KIF26B: variants seen among roughly 807,000 people sequenced by gnomAD.
The protein encoded by KIF26B is kinesin-like protein KIF26B.
A neutral mutation model predicts 151.2 loss-of-function variants in KIF26B; 63 were observed. The observed-to-expected ratio is 0.42, with a 90% CI of 0.34 to 0.51. The LOEUF (loss-of-function observed/expected upper bound fraction) is 0.51, where lower values mean the gene tolerates loss of function less well. Ranked by LOEUF, KIF26B falls within the 20% of genes least tolerant of loss-of-function variation. The probability of loss-of-function intolerance (pLI) is 0.07; values close to 1 mark genes in which losing one functional copy is unlikely to be tolerated. For synonymous variants in KIF26B, 1,357 were observed against 1,262.1 expected (o/e 1.08, Z -1.59); for missense variants, 2,813 against 2,913.6 (o/e 0.97, Z 0.79).
chr1:245,354,392 G>C (rs573696486), intron 2 of KIF26B, among the ~76,000 whole-genome samples: 111 of 152,282 alleles, frequency 7.3e-4, no homozygotes, highest in African/African-American at 2.5e-3. Flanking sequence ...CCAATGACAG[G>C]CTCTGTGACC....
At chr1:245,174,619 G>A (rs116095120) in intron 2 of KIF26B, among the ~76,000 whole-genome samples, 2,986 of 152,154 alleles carry the variant, frequency 0.02, 68 homozygotes, top group East Asian at 0.068. Flanking sequence ...CGATCCTCTC[G>A]CCACAGCCTC....
intron 2 of KIF26B, among the ~76,000 whole-genome samples, chr1:245,314,984 C>T (rs772702771): frequency 1.1e-4 from 16 of 152,016 alleles, no homozygotes; most frequent in African/African-American, 3.6e-4. Flanking sequence ...AGTTGGAGAC[C>T]GGCCTGACCA....
chr1:245,302,765 C>T (rs1036853159), intron 2 of KIF26B, among the ~76,000 whole-genome samples: 5 of 151,964 alleles, frequency 3.3e-5, no homozygotes, highest in African/African-American at 9.7e-5. Context: ...CCAAGGTGGG[C>T]GGACCAAGAG....
At chr1:245,539,405 C>A (rs180767940) in intron 4 of KIF26B, among the ~76,000 whole-genome samples, 17 of 152,276 alleles carry the variant, frequency 1.1e-4, no homozygotes, top group African/African-American at 4.1e-4. Context: ...ATGTGTTCTG[C>A]AACTGGTAAG....
rs181267600 is a variant in KIF26B, at chr1:245,294,581, G to C, written c.466-72253G>C. 1.6e-3 allele frequency among the ~76,000 whole-genome samples: 250 copies of C among 152,188 alleles called. 1 individual carries two copies. Among genetic ancestry groups the C allele is most frequent in the African/African-American group, 5.8e-3 (242 of 41,516 alleles). ...TCTAAATGGTTGAATTTCTTTTTTG[G>C]TCTAGCTGTATTAGGAATAGAGAGA... On this transcript the variant is annotated intron_variant, in intron 2 of 14. Transcript: ENST00000407071.
chr1:245,680,890 T>A (rs997961604), intron 10 of KIF26B, among the ~76,000 whole-genome samples: 6 of 152,202 alleles, frequency 3.9e-5, no homozygotes, highest in African/African-American at 1.2e-4. Flanking sequence ...CGTGCACATG[T>A]GTCCTTTTTG....
At position 245,601,620 on chromosome 1, in the gene KIF26B, C is replaced by T. The variant is rs2103145233; in HGVS notation, c.1351-957C>T. Reference sequence around the variant, plus strand: ...TCCTGCTACTCTATGCATTACATATCTTTGCATCCCCCATGCCTAGCACAG... The same window carrying T: ...TCCTGCTACTCTATGCATTACATATTTTTGCATCCCCCATGCCTAGCACAG... On this transcript the variant is annotated intron_variant, in intron 5 of 14. Coordinates refer to ENST00000407071, the MANE Select transcript of KIF26B (RefSeq NM_018012.4). This position sits in a 1 kb window ranked among gnomAD's most constrained non-coding sequence, Gnocchi z 4.4. 6.6e-6 allele frequency among the ~76,000 whole-genome samples: 1 copy of T among 152,312 alleles called. No individual in the cohort carries two copies. Among genetic ancestry groups the T allele is most frequent in the Non-Finnish European group, 1.5e-5 (1 of 68,018 alleles).
At chr1:245,614,886 TTAAAA>T (rs2043570218) in intron 9 of KIF26B, 1 of 79,282 alleles carries the variant, frequency 1.3e-5, no homozygotes, top group Non-Finnish European at 2.4e-5. Context: ...ATGCAGACCT[TTAAAA>T]TCGGATAGGG....
chr1:245,306,343 T>C (rs1038252789), intron 2 of KIF26B, among the ~76,000 whole-genome samples: 1 of 152,218 alleles, frequency 6.6e-6, no homozygotes, highest in African/African-American at 2.4e-5. Context: ...AATCTGTAGA[T>C]ACAGTATGTA....
rs975286521 is a variant in KIF26B, at chr1:245,578,803, G to C, written c.1351-23774G>C. 2.0e-5 allele frequency among the ~76,000 whole-genome samples: 3 copies of C among 152,174 alleles called. No homozygotes were observed. The East Asian group carries it at 5.8e-4, about 29-fold the overall frequency. ...CCAAGGTGCCTTTCCTCTAGACACA[G>C]GATTTCATTTAGTGGCTGTGCCTAC... On this transcript the variant is annotated intron_variant, in intron 5 of 14. Coordinates refer to ENST00000407071, the MANE Select transcript of KIF26B (RefSeq NM_018012.4).
At chr1:245,336,861 G>A (rs1672243681) in intron 2 of KIF26B, among the ~76,000 whole-genome samples, 2 of 152,268 alleles carry the variant, frequency 1.3e-5, no homozygotes, top group Middle Eastern at 3.4e-3. Flanking sequence ...AGGATTTTTG[G>A]TTCACCTCCC....
intron 3 of KIF26B, among the ~76,000 whole-genome samples, chr1:245,370,142 G>A (rs1448979917): frequency 6.6e-6 from 1 of 152,096 alleles, no homozygotes; most frequent in African/African-American, 2.4e-5. Flanking sequence ...AACATTTGGG[G>A]ATACTTCCTC....
chr1:245,529,123 G>A (rs1033474389), intron 4 of KIF26B, among the ~76,000 whole-genome samples: 3 of 152,088 alleles, frequency 2.0e-5, no homozygotes, highest in African/African-American at 4.8e-5. Flanking sequence ...CGGAGTCCCC[G>A]TCATACAAAA....
chr1:245,240,261 G>T (rs80057813), intron 2 of KIF26B, among the ~76,000 whole-genome samples: 1 of 152,136 alleles, frequency 6.6e-6, no homozygotes, highest in African/African-American at 2.4e-5. Flanking sequence ...CACTTTCGCC[G>T]CTTCCATGGC....
chr1:245,382,791 CT>C (rs1403568494), intron 3 of KIF26B, among the ~76,000 whole-genome samples: 1 of 151,952 alleles, frequency 6.6e-6, no homozygotes, highest in Non-Finnish European at 1.5e-5. Flanking sequence ...TGGTCTTGAA[CT>C]CCCGACCTCA....
At position 245,602,162 on chromosome 1, in the gene KIF26B, A is replaced by C. The variant is rs1221105117; in HGVS notation, c.1351-415A>C. ...AGAGTCCTGATGAGCTGAGCCAAGG[A>C]GTAAATTACGGAGCTAACTTTTATG... On this transcript the variant is annotated intron_variant, in intron 5 of 14. Transcript: ENST00000407071. This position sits in a 1 kb window ranked among gnomAD's most constrained non-coding sequence, Gnocchi z 4.5. 1.3e-5 allele frequency among the ~76,000 whole-genome samples: 2 copies of C among 152,176 alleles called. No homozygotes were observed. Among genetic ancestry groups the C allele is most frequent in the Non-Finnish European group, 2.9e-5 (2 of 68,038 alleles).
chr1:245,419,779 G>C (rs890776617), intron 4 of KIF26B, 34 bp downstream of exon 4: 1 of 1,566,918 alleles, frequency 6.4e-7, no homozygotes, highest in African/African-American at 1.4e-5. Flanking sequence ...GGTTCTTTCC[G>C]ATGAGCCCAG....
Position 245,661,977 on chromosome 1 carries a change from C to A in KIF26B, c.2258+15697C>A, listed in dbSNP as rs182796959. Among the ~76,000 whole-genome samples, 10 of 143,764 alleles carry A rather than the reference C, an allele frequency of 7.0e-5. No individual in the cohort carries two copies. In the East Asian group the frequency reaches 1.7e-3, roughly 24 times the overall value. The allele number at this position is 143,764 out of a possible 152,430, so 94.3% of individuals were successfully genotyped here. ...CACACACCCCATATATATATATACT[C>A]AATGACATAAATAATATGCACACCC... On this transcript the variant is annotated intron_variant, in intron 10 of 14. Coordinates refer to ENST00000407071, the MANE Select transcript of KIF26B (RefSeq NM_018012.4).
At chr1:245,439,356 A>AAAAAAG (rs1280720172) in intron 4 of KIF26B, among the ~76,000 whole-genome samples, 2 of 127,968 alleles carry the variant, frequency 1.6e-5, no homozygotes, top group Non-Finnish European at 3.3e-5. Flanking sequence ...CAAAAAAAAA[A>AAAAAAG]AAAAAAAGAA....
Sources: allele counts gnomAD v4.1 joint callset (sites outside exome capture counted in the v4.1 genomes callset), GRCh38; gene constraint gnomAD v4.1.1; non-coding constraint Gnocchi (gnomAD v3.1); transcripts MANE v1.5; gene names NCBI Gene and HGNC (gene_info 2026-07-23, HGNC 2026-07-21).